ESR1: variants seen among roughly 807,000 people sequenced by gnomAD.
The protein encoded by ESR1 is estrogen receptor 1.
ESR1 carries 12 observed loss-of-function variants against 52.7 expected under a neutral mutation model. The observed-to-expected ratio is 0.23, with a 90% CI of 0.15 to 0.37. The LOEUF (loss-of-function observed/expected upper bound fraction) is 0.37, where lower values mean the gene tolerates loss of function less well. ESR1 is among the 10% of genes least tolerant of loss of function. ESR1 has a pLI of 1.00. For synonymous variants in ESR1, 305 were observed against 316.8 expected (o/e 0.96, Z 0.39); for missense variants, 584 against 779.7 (o/e 0.75, Z 2.99).
chr6:151,724,466 AC>A (rs1252940949), intron 2 of ESR1, among the ~76,000 whole-genome samples: 1 of 152,102 alleles, frequency 6.6e-6, no homozygotes, highest in East Asian at 1.9e-4. Flanking sequence ...TTAGGTCCCC[AC>A]CCGATTACCC....
At chr6:151,721,669 T>C (rs1390754820) in intron 2 of ESR1, among the ~76,000 whole-genome samples, 3 of 152,208 alleles carry the variant, frequency 2.0e-5, no homozygotes, top group African/African-American at 7.2e-5. Flanking sequence ...TTCTTGGGCC[T>C]AGGCAGCATG....
At position 151,928,499 on chromosome 6, in the gene ESR1, A is replaced by C. The variant is rs146086114; in HGVS notation, c.761-15674A>C. Among the ~76,000 whole-genome samples, 918 of 152,254 alleles carry C rather than the reference A, an allele frequency of 6.0e-3. 11 individuals carry two copies. The highest frequency in any genetic ancestry group is 0.036 in the South Asian group (173 of 4,830). ...TCAAAATACAGTTTCTACTGAATGC[A>C]TGCATATTACTTTTGCACCATTGTG... On this transcript the variant is annotated intron_variant, in intron 3 of 7. Transcript: ENST00000206249.
intron 1 of ESR1, among the ~76,000 whole-genome samples, chr6:151,826,088 G>T (rs554377751): frequency 6.6e-6 from 1 of 151,922 alleles, no homozygotes; most frequent in Admixed American, 6.6e-5. Context: ...GGGGGGTGGC[G>T]GGGAAGGAAT....
rs150915185 is a variant in ESR1, at chr6:152,071,257, T to C, written c.1369+10133T>C. On this transcript the variant is annotated intron_variant, in intron 6 of 7. Coordinates refer to ENST00000206249, the MANE Select transcript of ESR1 (RefSeq NM_000125.4). ...ATTATTCTTTTTAAATATAAAATTGTGATATAAAAATAGTTTTCACTAAAT... is the reference window on the plus strand; with the variant it reads ...ATTATTCTTTTTAAATATAAAATTGCGATATAAAAATAGTTTTCACTAAAT... 4.7e-3 allele frequency among the ~76,000 whole-genome samples: 722 copies of C among 152,192 alleles called. 4 individuals carry two copies. Among genetic ancestry groups the C allele is most frequent in the African/African-American group, 0.016 (682 of 41,496 alleles).
At chr6:152,048,181 C>A (rs2046383767) in intron 5 of ESR1, among the ~76,000 whole-genome samples, 1 of 151,524 alleles carries the variant, frequency 6.6e-6, no homozygotes, top group Non-Finnish European at 1.5e-5. Flanking sequence ...CCATCCTGGC[C>A]AACATGGTGA....
Position 152,098,458 on chromosome 6 carries a change from A to T in ESR1, c.1554-274A>T, listed in dbSNP as rs1303729641. 6.6e-6 allele frequency among the ~76,000 whole-genome samples: 1 copy of T among 151,992 alleles called. No homozygotes were observed. The highest frequency in any genetic ancestry group is 1.5e-5 in the Non-Finnish European group (1 of 67,992). Reference sequence around the variant, plus strand: ...GTCCATGGAAGTCACCTGCATAGCAAATACCCTGAAAGTGGCTGCAGGGAG... The same window carrying T: ...GTCCATGGAAGTCACCTGCATAGCATATACCCTGAAAGTGGCTGCAGGGAG... On this transcript the variant is annotated intron_variant, in intron 7 of 7. Coordinates refer to ENST00000206249, the MANE Select transcript of ESR1 (RefSeq NM_000125.4). This position sits in a 1 kb window ranked among gnomAD's most constrained non-coding sequence, Gnocchi z 5.1.
intron 3 of ESR1, among the ~76,000 whole-genome samples, chr6:151,901,492 G>A (rs1322136175): frequency 3.9e-5 from 6 of 152,190 alleles, no homozygotes; most frequent in African/African-American, 9.7e-5. Flanking sequence ...ACAAAGTTCA[G>A]CTGGAGGTTT....
intron 2 of ESR1, among the ~76,000 whole-genome samples, chr6:151,736,659 G>T (rs1273127178): frequency 6.6e-6 from 1 of 151,990 alleles, no homozygotes; most frequent in Non-Finnish European, 1.5e-5. Context: ...TATTACAGGC[G>T]TGAGCCACCG....
chr6:151,662,511 G>C (rs1777672494), intron 1 of ESR1, among the ~76,000 whole-genome samples: 1 of 152,170 alleles, frequency 6.6e-6, no homozygotes, highest in Admixed American at 6.5e-5. Flanking sequence ...TCTGGGTCTT[G>C]GGACCAGCTC....
chr6:151,670,594 A>T (rs200126075), intron 1 of ESR1, among the ~76,000 whole-genome samples: 1,232 of 118,056 alleles, frequency 0.01, 17 homozygotes, highest in South Asian at 0.052. Context: ...TTAAAAAAAA[A>T]TTTTTTTTTG....
intron 2 of ESR1, among the ~76,000 whole-genome samples, chr6:151,796,662 G>A (rs1776744092): frequency 6.6e-6 from 1 of 152,158 alleles, no homozygotes; most frequent in African/African-American, 2.4e-5. Context: ...TAGTTTTAAT[G>A]ACAAAAACCA....
intron 1 of ESR1, among the ~76,000 whole-genome samples, chr6:151,827,842 A>C (rs1238660175): frequency 6.6e-6 from 1 of 152,220 alleles, no homozygotes; most frequent in Non-Finnish European, 1.5e-5. Flanking sequence ...GAAAGACTAT[A>C]TGTATGCACT....
upstream of ESR1, among the ~76,000 whole-genome samples, chr6:151,689,213 A>G (rs1361827025): frequency 7.1e-6 from 1 of 141,626 alleles, no homozygotes; most frequent in East Asian, 1.9e-4. Flanking sequence ...AATAATTGAA[A>G]GATTTAATTA....
intron 1 of ESR1, among the ~76,000 whole-genome samples, chr6:151,664,056 A>G (rs1233451065): frequency 6.6e-5 from 10 of 152,272 alleles, no homozygotes; most frequent in Admixed American, 6.5e-5. Flanking sequence ...TTTGTTTTAT[A>G]TTCTTTGATG....
intron 2 of ESR1, among the ~76,000 whole-genome samples, chr6:151,849,431 G>A (rs1583650520): frequency 3.3e-5 from 5 of 152,246 alleles, no homozygotes; most frequent in Admixed American, 3.3e-4. Context: ...AGATCACGAG[G>A]TCAGGAGTTC....
intron 3 of ESR1, among the ~76,000 whole-genome samples, chr6:151,899,274 G>A (rs1223767456): frequency 2.7e-4 from 35 of 130,890 alleles, no homozygotes; most frequent in Admixed American, 4.4e-4. Flanking sequence ...CCTCCCTCCC[G>A]GACGGGGCGG....
In ESR1 at chr6:152,053,766, A is replaced by G. The variant is rs1330978233; in HGVS notation, c.1236-7225A>G. Among the ~76,000 whole-genome samples the G allele has an allele frequency of 6.6e-6, 1 of 151,952 alleles. No individual in the cohort carries two copies. The highest frequency in any genetic ancestry group is 1.5e-5 in the Non-Finnish European group (1 of 67,960). On this transcript the variant is annotated intron_variant, in intron 5 of 7. Transcript: ENST00000206249. The surrounding 1 kb of genome is among the most constrained non-coding windows in gnomAD (Gnocchi z 4.1). ...TTCCGGATATTTTATGCTTTCATGG[A>G]GGCCGTGTAAATTGGTATAACCTTT...
intron 1 of ESR1, among the ~76,000 whole-genome samples, chr6:151,821,837 T>G (rs1162678649): frequency 2.0e-5 from 3 of 152,238 alleles, no homozygotes; most frequent in African/African-American, 4.8e-5. Flanking sequence ...GGTTATATAC[T>G]GTTTACTATT....
At chr6:151,662,898 G>C (rs1777688390) in intron 1 of ESR1, among the ~76,000 whole-genome samples, 1 of 152,218 alleles carries the variant, frequency 6.6e-6, no homozygotes, top group Admixed American at 6.5e-5. Context: ...CTTTTGTGCA[G>C]CTAGTAAATT....
Sources: gnomAD v4.1 joint callset for allele counts (sites outside exome capture counted in the v4.1 genomes callset) on GRCh38, gnomAD v4.1.1 for gene constraint, Gnocchi (gnomAD v3.1) non-coding constraint, MANE v1.5 for transcripts, NCBI Gene and HGNC (gene_info 2026-07-23, HGNC 2026-07-21) for gene names.